THBS4: variants seen among roughly 807,000 people sequenced by gnomAD.
THBS4 encodes thrombospondin 4, also known as thrombospondin-4.
A neutral mutation model predicts 115.7 loss-of-function variants in THBS4; 90 were observed. The observed-to-expected ratio is 0.78, with a 90% confidence interval of 0.66 to 0.93. THBS4 has a LOEUF of 0.93. Among genes scored for constraint, THBS4 ranks in the 40% least tolerant of loss-of-function variants. The pLI, the probability that THBS4 is intolerant of heterozygous loss-of-function variation, is 0.00. For synonymous variants in THBS4, 460 were observed against 479.3 expected (o/e 0.96, Z 0.53); for missense variants, 1,087 against 1,232.7 (o/e 0.88, Z 1.77).
upstream of THBS4, among the ~76,000 whole-genome samples, chr5:80,031,040 T>G (rs572114833): frequency 1.3e-5 from 2 of 152,314 alleles, no homozygotes; most frequent in African/African-American, 2.4e-5. Context: ...AGATCCCCAC[T>G]CTCAAAATTG....
In THBS4 at chr5:80,035,690, G is replaced by C; in HGVS notation, c.88+65G>C. The C allele has an allele frequency of 8.8e-7, 1 of 1,141,702 alleles. No individual in the cohort carries two copies. The highest frequency in any genetic ancestry group is 1.1e-6 in the Non-Finnish European group (1 of 887,622). 70.7% of individuals were successfully genotyped at this position (1,141,702 alleles called of 1,614,324 possible). On this transcript the variant is annotated intron_variant, in intron 1 of 21. Transcript: ENST00000350881. This position sits in a 1 kb window ranked among gnomAD's most constrained non-coding sequence, Gnocchi z 4.6. ...GGGTGCCCCATCTGCTGAGTGAGTG[G>C]AGGGACTTGCTCGGCCCTGTGCTCC...
intron 1 of THBS4, among the ~76,000 whole-genome samples, chr5:79,993,802 A>G (rs1019626021): frequency 2.6e-5 from 4 of 152,204 alleles, no homozygotes; most frequent in Non-Finnish European, 5.9e-5. Context: ...CTGTTGGGAA[A>G]GATGAAAGGT....
At chr5:80,016,834 G>A (rs1018790846) in intron 2 of THBS4, among the ~76,000 whole-genome samples, 2 of 152,216 alleles carry the variant, frequency 1.3e-5, no homozygotes, top group East Asian at 3.9e-4. Flanking sequence ...GATTCAAAAC[G>A]GATAGATTAA....
intron 8 of THBS4, among the ~76,000 whole-genome samples, chr5:80,063,394 T>C (rs1347777425): frequency 6.6e-6 from 1 of 151,780 alleles, no homozygotes. Context: ...TTTTTTCCTA[T>C]AAATTTGTTT....
chr5:80,053,016 G>A (rs2112075490), intron 2 of THBS4: 1 of 152,016 alleles, frequency 6.6e-6, no homozygotes, highest in East Asian at 1.9e-4. Flanking sequence ...TACAAGTAAT[G>A]GTTGTTTCTT....
intron 2 of THBS4, among the ~76,000 whole-genome samples, chr5:80,005,579 T>C (rs1290297785): frequency 6.6e-6 from 1 of 152,134 alleles, no homozygotes; most frequent in African/African-American, 2.4e-5. Flanking sequence ...GTCCAGGCTC[T>C]GCTGTGTATT....
At chr5:80,056,559 C>A (rs1833439113) in intron 3 of THBS4, among the ~76,000 whole-genome samples, 1 of 152,200 alleles carries the variant, frequency 6.6e-6, no homozygotes, top group Non-Finnish European at 1.5e-5. Flanking sequence ...TCACCTCTGT[C>A]TTCTGTTTTA....
intron 2 of THBS4, among the ~76,000 whole-genome samples, chr5:80,000,744 A>G (rs1831882235): frequency 6.6e-6 from 1 of 152,172 alleles, no homozygotes; most frequent in African/African-American, 2.4e-5. Flanking sequence ...AGAGAGGTGT[A>G]TTTCCAGTGT....
At chr5:80,076,657 T>A (rs951487369) in intron 15 of THBS4, among the ~76,000 whole-genome samples, 198 bp from the exon 16 acceptor site, 4 of 152,132 alleles carry the variant, frequency 2.6e-5, no homozygotes, top group African/African-American at 9.7e-5. Context: ...CTCACTTGTT[T>A]TAAGAGGTTG....
chr5:80,055,647 C>G, intron 2 of THBS4, 138 bp from the exon 3 acceptor site: 1 of 1,217,268 alleles, frequency 8.2e-7, no homozygotes, highest in Admixed American at 2.3e-5. Context: ...GGTTATTTCT[C>G]ACTCACATTC....
intron 2 of THBS4, among the ~76,000 whole-genome samples, chr5:80,021,437 TTATC>T (rs982159087): frequency 6.6e-6 from 1 of 152,062 alleles, no homozygotes; most frequent in Non-Finnish European, 1.5e-5. Context: ...TGAAAAAACA[TTATC>T]TATACACAGA....
Position 80,035,597 on chromosome 5 carries a change from A to G in THBS4, c.60A>G (p.Leu20=). Residue 20 remains leucine, a synonymous_variant, in exon 1 of 22, where the codon CTA becomes CTG. Transcript: ENST00000350881. The surrounding 1 kb of genome is among the most constrained non-coding windows in gnomAD (Gnocchi z 4.6). The stretch of plus-strand genomic sequence containing the variant: ...TGCACCTGGTCCTGCAGCGGTGGCT[A>G]GCGGCAGGCGCCCAGGCCACCCCCC... The part of the protein sequence containing the change: ...LLLHLVLQRW[L]AAGAQATPQV... 1 of 1,421,482 alleles carries G rather than the reference A, an allele frequency of 7.0e-7. No homozygotes were observed. The highest frequency in any genetic ancestry group is 9.2e-7 in the Non-Finnish European group (1 of 1,086,534). The allele number at this position is 1,421,482 out of a possible 1,614,324, so 88.1% of individuals were successfully genotyped here. A position where few individuals can be genotyped will look rare whatever the true frequency, so the allele number is the denominator to read the frequency against.
rs754711136 is a variant in THBS4 at position 80,059,861 on chromosome 5, G to A, written c.943G>A (p.Glu315Lys). 6.8e-6 allele frequency: 11 copies of A among 1,614,156 alleles called. No individual in the cohort carries two copies. Among genetic ancestry groups the A allele is most frequent in the East Asian group, 4.5e-5 (2 of 44,866 alleles). Residue 315 changes from glutamate to lysine, a missense_variant, in exon 7 of 22, where the codon GAG (glutamate) becomes AAG (lysine). Physicochemically the swap from Glu to Lys is moderately conservative, Grantham distance 56. Coordinates refer to ENST00000350881, the MANE Select transcript of THBS4 (RefSeq NM_003248.6). ...RDGFQCGPCPEGYTGNGITCI... is the reference protein window; with the variant it reads ...RDGFQCGPCPKGYTGNGITCI... ...TGGCTTCCAGTGTGGGCCCTGCCCC[G>A]AGGGCTACACAGGAAACGGGATCAC...
chr5:80,056,044 C>A lies in THBS4; in HGVS notation c.540+12C>A, dbSNP rs1432251700. The A allele has an allele frequency of 1.9e-6, 3 of 1,585,766 alleles. No individual in the cohort carries two copies. Among genetic ancestry groups the A allele is most frequent in the Admixed American group, 3.6e-5 (2 of 56,316 alleles). ...AGAGGAAGCCACAGGTAGGAACCCACAAACCATTCTCTGAAGTGGAAAAAT... is the reference window on the plus strand; with the variant it reads ...AGAGGAAGCCACAGGTAGGAACCCAAAAACCATTCTCTGAAGTGGAAAAAT... On this transcript the variant is annotated intron_variant, in intron 3 of 21. Transcript: ENST00000350881.
In THBS4 at chr5:80,055,845, A is replaced by T. The variant is rs775964797; in HGVS notation, c.353A>T (p.Gln118Leu). ...CATTTGGTGGTTTTCAACAACCTGC[A>T]GCTGGCAGACGGAAGGCGGCACAGG... Reference protein sequence around the residue: ...KVHLVVFNNLQLADGRRHRIL... With the variant: ...KVHLVVFNNLLLADGRRHRIL... Residue 118 changes from glutamine to leucine, a missense_variant, in exon 3 of 22, where the codon CAG becomes CTG. Physicochemically the swap from Gln to Leu is moderately radical, Grantham distance 113 (BLOSUM62 -2). Transcript: ENST00000350881. 1 of 1,614,078 alleles carries T rather than the reference A, an allele frequency of 6.2e-7. No homozygotes were observed. The highest frequency in any genetic ancestry group is 8.5e-7 in the Non-Finnish European group (1 of 1,180,026).
At chr5:80,061,857 T>C in intron 8 of THBS4, 25 bp downstream of exon 8, 4 of 1,588,176 alleles carry the variant, frequency 2.5e-6, no homozygotes, top group Non-Finnish European at 3.4e-6. Context: ...TGGTTTCTAT[T>C]CATTTCTCAT....
At chr5:80,055,668 C>T in intron 2 of THBS4, 117 bp from the exon 3 acceptor site, 1 of 1,402,208 alleles carries the variant, frequency 7.1e-7, no homozygotes, top group East Asian at 2.3e-5. Flanking sequence ...CGTCCAGCAA[C>T]CCAGTCTTGT....
At chr5:80,058,509 G>T (rs539475083) in intron 4 of THBS4, among the ~76,000 whole-genome samples, 195 bp downstream of exon 4, 1 of 152,232 alleles carries the variant, frequency 6.6e-6, no homozygotes, top group African/African-American at 2.4e-5. Context: ...TGATTCACAT[G>T]GAATTTAGAC....
chr5:80,035,041 C>G (rs1832664917), upstream of THBS4, among the ~76,000 whole-genome samples: 1 of 152,126 alleles, frequency 6.6e-6, no homozygotes, highest in African/African-American at 2.4e-5. The surrounding 1 kb of genome is among the most constrained non-coding windows in gnomAD (Gnocchi z 4.6). Flanking sequence ...TCCTCCCTTT[C>G]GCCCCTTTCC....
Sources: allele counts gnomAD v4.1 joint callset (sites outside exome capture counted in the v4.1 genomes callset), GRCh38; gene constraint gnomAD v4.1.1; non-coding constraint Gnocchi (gnomAD v3.1); transcripts MANE v1.5; gene names NCBI Gene and HGNC (gene_info 2026-07-23, HGNC 2026-07-21).